CAPS2: variants seen among roughly 807,000 people sequenced by gnomAD.
The protein encoded by CAPS2 is calcyphosin-2.
Under a neutral mutation model 86.5 loss-of-function variants are expected in CAPS2, and 98 were observed. That is an observed-to-expected ratio of 1.13 (90% CI 0.96 to 1.34). CAPS2 has a LOEUF of 1.34. CAPS2 is among the 40% of genes most tolerant of loss of function. The pLI, the probability that CAPS2 is intolerant of heterozygous loss-of-function variation, is 0.00. For missense variants in CAPS2, 729 were observed against 686.8 expected (o/e 1.06, Z -0.69); for synonymous variants, 210 against 225.1 (o/e 0.93, Z 0.60).
Position 75,325,265 on chromosome 12 carries a change from C to A in CAPS2, c.105G>T (p.Trp35Cys), listed in dbSNP as rs752192378. The change falls in exon 2 of 17, where the codon TGG becomes TGT. Residue 35 changes from tryptophan (W) to cysteine (C), a missense_variant. Transcript: ENST00000393284. ...CTGGTGGGCAAGAATTCTGGTTTGT[C>A]CATGACTCAGAAGTCCACCTTTGCT... 1.6e-5 allele frequency: 25 copies of A among 1,548,964 alleles called. No individual in the cohort carries two copies. The South Asian group carries it at 3.0e-4, about 19-fold the overall frequency.
intron 1 of CAPS2, among the ~76,000 whole-genome samples, chr12:75,381,241 C>G (rs1172082123): frequency 3.3e-5 from 5 of 152,194 alleles, no homozygotes; most frequent in Non-Finnish European, 7.3e-5. Flanking sequence ...CTCATTCTCT[C>G]TTGTCGCCGC....
rs112805358 is a variant in CAPS2, at chr12:75,289,632, C to G, written c.1384G>C (p.Val462Leu). 746 of 1,612,236 alleles carry G rather than the reference C, an allele frequency of 4.6e-4. 7 individuals carry two copies. The African/African-American group carries it at 8.9e-3, about 19-fold the overall frequency. ...TCTGTAGCACATACCTTTTCAGACA[C>G]TTCTAAGTGAAACACTTTTAGAGCT... Residue 462 changes from valine to leucine, a missense_variant, in exon 14 of 17, where the codon GTG becomes CTG. Coordinates refer to ENST00000393284, the Ensembl canonical transcript of CAPS2.
chr12:75,389,526 T>C (rs1330557507), intron 1 of CAPS2, among the ~76,000 whole-genome samples: 2 of 152,224 alleles, frequency 1.3e-5, no homozygotes, highest in Non-Finnish European at 2.9e-5. Context: ...ATTCTATTTA[T>C]ACTTTTTCTT....
At chr12:75,293,076 G>A (rs112591476) in intron 12 of CAPS2, among the ~76,000 whole-genome samples, 173 bp downstream of exon 12, 65 of 152,198 alleles carry the variant, frequency 4.3e-4, no homozygotes, top group African/African-American at 1.5e-3. Flanking sequence ...CACACATGAA[G>A]TGTATTTGAG....
intron 1 of CAPS2, among the ~76,000 whole-genome samples, chr12:75,357,986 GTAA>G (rs575994406): frequency 6.8e-6 from 1 of 147,904 alleles, no homozygotes; most frequent in Non-Finnish European, 1.5e-5. Flanking sequence ...AAAAAAAAAA[GTAA>G]TAACAAAAAT....
chr12:75,345,896 C>T (rs1248094315), intron 1 of CAPS2, among the ~76,000 whole-genome samples: 2 of 152,184 alleles, frequency 1.3e-5, no homozygotes, highest in Non-Finnish European at 2.9e-5. Context: ...GAAAGGGGAG[C>T]TTACTCTTTA....
At chr12:75,319,782 T>C (rs2040125644) in intron 5 of CAPS2, among the ~76,000 whole-genome samples, 1 of 152,186 alleles carries the variant, frequency 6.6e-6, no homozygotes, top group Non-Finnish European at 1.5e-5. Flanking sequence ...AATTTACATG[T>C]TGATCTCTGC....
intron 14 of CAPS2, among the ~76,000 whole-genome samples, chr12:75,287,292 GGCAGGA>G (rs2035060585): frequency 6.6e-6 from 1 of 151,588 alleles, no homozygotes; most frequent in Non-Finnish European, 1.5e-5. Flanking sequence ...CCCTCTTCAA[GGCAGGA>G]ATCGTCTCCT....
intron 1 of CAPS2, among the ~76,000 whole-genome samples, chr12:75,337,445 T>G (rs902878065): frequency 1.3e-5 from 2 of 151,876 alleles, no homozygotes; most frequent in African/African-American, 4.8e-5. Flanking sequence ...AATGGATAGA[T>G]AGAGAATATT....
At chr12:75,372,399 A>T (rs1182833389) in intron 1 of CAPS2, among the ~76,000 whole-genome samples, 2 of 152,220 alleles carry the variant, frequency 1.3e-5, no homozygotes, top group African/African-American at 4.8e-5. Context: ...GGAGGAGCCC[A>T]GAGTAACCAG....
chr12:75,324,769 T>TTATTC (rs749668293), intron 2 of CAPS2, among the ~76,000 whole-genome samples: 2 of 151,956 alleles, frequency 1.3e-5, no homozygotes, highest in Admixed American at 6.6e-5. Flanking sequence ...ATTTTAAAAG[T>TTATTC]CAAAATAACA....
intron 8 of CAPS2, among the ~76,000 whole-genome samples, chr12:75,302,558 C>T (rs1298977881): frequency 6.6e-6 from 1 of 152,058 alleles, no homozygotes; most frequent in Admixed American, 6.5e-5. Flanking sequence ...GTTAAAACTC[C>T]TACTTCTAAT....
At chr12:75,276,484 CAG>C (rs1479536178), downstream of CAPS2, 22 of 976,214 alleles carry the variant, frequency 2.3e-5, no homozygotes, top group East Asian at 1.3e-3. Flanking sequence ...TGCCTCTATG[CAG>C]AGTCGCTGGT....
upstream of CAPS2, among the ~76,000 whole-genome samples, chr12:75,332,182 T>C (rs1197998223): frequency 1.3e-5 from 2 of 152,234 alleles, no homozygotes; most frequent in East Asian, 3.9e-4. Flanking sequence ...CATTACTCTA[T>C]GAAATTTCTG....
intron 1 of CAPS2, among the ~76,000 whole-genome samples, chr12:75,354,738 G>A (rs770331361): frequency 2.0e-5 from 3 of 152,114 alleles, no homozygotes; most frequent in Non-Finnish European, 4.4e-5. Flanking sequence ...TACACTACAA[G>A]GCTACAGTAA....
intron 1 of CAPS2, among the ~76,000 whole-genome samples, chr12:75,354,336 C>A (rs2043010713): frequency 6.6e-6 from 1 of 151,878 alleles, no homozygotes; most frequent in Non-Finnish European, 1.5e-5. Context: ...TGTACACCAA[C>A]AACAGACAAG....
At chr12:75,318,872 G>T (rs551075125) in intron 5 of CAPS2, among the ~76,000 whole-genome samples, 1 of 151,900 alleles carries the variant, frequency 6.6e-6, no homozygotes, top group East Asian at 1.9e-4. Context: ...CCTGGACAGG[G>T]GTATTGCATA....
At chr12:75,295,628 G>A (rs994611130) in intron 11 of CAPS2, among the ~76,000 whole-genome samples, 2 of 152,158 alleles carry the variant, frequency 1.3e-5, no homozygotes, top group Non-Finnish European at 2.9e-5. Flanking sequence ...CTAAGTACTT[G>A]TCATTCTTCA....
chr12:75,289,512 G>T, intron 14 of CAPS2, 109 bp downstream of exon 14: 1 of 927,452 alleles, frequency 1.1e-6, no homozygotes, highest in Non-Finnish European at 1.6e-6. Flanking sequence ...CTGATAAAGG[G>T]CATAGAGAAG....
Sources: gnomAD v4.1 joint callset for allele counts (sites outside exome capture counted in the v4.1 genomes callset) on GRCh38, gnomAD v4.1.1 for gene constraint, MANE v1.5 for transcripts, NCBI Gene and HGNC (gene_info 2026-07-23, HGNC 2026-07-21) for gene names.